DRG2: variants seen among roughly 807,000 people sequenced by gnomAD.
DRG2 encodes the protein developmentally-regulated GTP-binding protein 2.
Under a neutral mutation model 53.4 loss-of-function variants are expected in DRG2, and 36 were observed. That is an observed-to-expected ratio of 0.67 (90% CI 0.52 to 0.89). DRG2 has a LOEUF of 0.89. DRG2 is among the 40% of genes least tolerant of loss of function. The probability of loss-of-function intolerance (pLI) is 0.00; values close to 1 mark genes in which losing one functional copy is unlikely to be tolerated. For synonymous variants in DRG2, 167 were observed against 192.1 expected (o/e 0.87, Z 1.08); for missense variants, 342 against 481.2 (o/e 0.71, Z 2.71).
At position 18,100,688 on chromosome 17, in the gene DRG2, A is replaced by G. The variant is rs1041209676; in HGVS notation, c.631+29A>G. 10 of 1,597,646 alleles carry G rather than the reference A, an allele frequency of 6.3e-6. No homozygotes were observed. The highest frequency in any genetic ancestry group is 8.5e-6 in the Non-Finnish European group (10 of 1,171,750). On this transcript the variant is annotated intron_variant, in intron 7 of 12. Transcript: ENST00000225729. This position sits in a 1 kb window ranked among gnomAD's most constrained non-coding sequence, Gnocchi z 4.1. ...TCCTTCCCTGAAAGACACGTGAAGG[A>G]GGGCAGCCACCACCGTCAGCGCAGC... is the stretch of plus-strand genomic sequence containing the variant.
At chr17:18,105,291 G>C (rs975447943) in intron 11 of DRG2, among the ~76,000 whole-genome samples, 1 of 152,146 alleles carries the variant, frequency 6.6e-6, no homozygotes, top group African/African-American at 2.4e-5. Flanking sequence ...TCACATGGCC[G>C]TCCTCCTGGG....
In DRG2 at chr17:18,100,065, C is replaced by T. The variant is rs1468335563; in HGVS notation, c.468-298C>T. ...ATCCACATCCTGGCAGAGGGGTACA[C>T]CAGGCCTGCCTCCTCGGGACCAGAA... is the stretch of plus-strand genomic sequence containing the variant. On this transcript the variant is annotated intron_variant, in intron 5 of 12. Transcript: ENST00000225729. The surrounding 1 kb of genome is among the most constrained non-coding windows in gnomAD (Gnocchi z 4.1). 3 of 577,186 alleles carry T rather than the reference C, an allele frequency of 5.2e-6. No individual in the cohort carries two copies. The East Asian group carries it at 8.7e-5, about 17-fold the overall frequency. 35.8% of individuals were successfully genotyped at this position (577,186 alleles called of 1,614,324 possible). A position where few individuals can be genotyped will look rare whatever the true frequency, so the allele number is the denominator to read the frequency against.
chr17:18,094,914 C>CGGTGA (rs1211463006), intron 2 of DRG2, among the ~76,000 whole-genome samples: 13 of 113,278 alleles, frequency 1.1e-4, no homozygotes, highest in African/African-American at 4.5e-4. Context: ...GCAGAGGTTG[C>CGGTGA]GGTGAGCCGA....
chr17:18,093,915 A>G lies in DRG2; in HGVS notation c.167A>G (p.Asp56Gly). 6.2e-7 allele frequency: 1 copy of G among 1,614,198 alleles called. No homozygotes were observed. The highest frequency in any genetic ancestry group is 8.5e-7 in the Non-Finnish European group (1 of 1,180,048). Residue 56 changes from aspartate to glycine, a missense_variant, in exon 2 of 13, where the codon GAT (aspartate) becomes GGT (glycine). By Grantham distance (94) the Asp-to-Gly change is moderately conservative (BLOSUM62 -1). Transcript: ENST00000225729. ...GCCTCGTCCAAAGGAGAGGGCTTTG[A>G]TGTCATGAAGTCGGGTGATGCCCGT... ...KSASSKGEGFDVMKSGDARVA... is the reference protein window; with the variant it reads ...KSASSKGEGFGVMKSGDARVA...
chr17:18,099,871 C>T lies in DRG2; in HGVS notation c.467+148C>T. On this transcript the variant is annotated intron_variant, in intron 5 of 12. Coordinates refer to ENST00000225729, the MANE Select transcript of DRG2 (RefSeq NM_001388.5). The surrounding 1 kb of genome is among the most constrained non-coding windows in gnomAD (Gnocchi z 4.4). Reference sequence around the variant, plus strand: ...GTCACAGACTAAACCCAACACCACCCAGCCTATGGCGTCTTCTCCTCAAGG... The same window carrying T: ...GTCACAGACTAAACCCAACACCACCTAGCCTATGGCGTCTTCTCCTCAAGG... The T allele has an allele frequency of 1.3e-6, 1 of 752,998 alleles. No individual in the cohort carries two copies. Among genetic ancestry groups the T allele is most frequent in the Non-Finnish European group, 2.2e-6 (1 of 452,388 alleles). The allele number at this position is 752,998 out of a possible 1,614,324, so 46.6% of individuals were successfully genotyped here.
At chr17:18,106,364 G>A (rs1301060271) in intron 11 of DRG2, 69 bp from the exon 12 acceptor site, 2 of 1,573,434 alleles carry the variant, frequency 1.3e-6, no homozygotes, top group East Asian at 4.5e-5. Flanking sequence ...AGCTTTGGGT[G>A]TGCAGCCAAG....
chr17:18,102,569 C>T (rs933277035), intron 9 of DRG2, among the ~76,000 whole-genome samples: 5 of 146,228 alleles, frequency 3.4e-5, no homozygotes, highest in African/African-American at 1.0e-4. Flanking sequence ...TGCAGTGAGC[C>T]GAGATCATGC....
intron 1 of DRG2, among the ~76,000 whole-genome samples, chr17:18,093,354 T>C (rs532109252): frequency 1.3e-5 from 2 of 151,582 alleles, no homozygotes; most frequent in African/African-American, 4.8e-5. Context: ...AGTTTCACTG[T>C]TGTTGCCCAA....
chr17:18,102,106 C>A, intron 9 of DRG2, 109 bp downstream of exon 9: 2 of 1,158,038 alleles, frequency 1.7e-6, no homozygotes, highest in Non-Finnish European at 2.5e-6. Context: ...CCAGCACAGC[C>A]TCCAGCAGCA....
In DRG2 at chr17:18,103,791, C is replaced by G. The variant is rs763174235; in HGVS notation, c.807-10C>G. 2 of 1,613,976 alleles carry G rather than the reference C, an allele frequency of 1.2e-6. No homozygotes were observed. Among genetic ancestry groups the G allele is most frequent in the Non-Finnish European group, 1.7e-6 (2 of 1,180,012 alleles). ...GGCCCCTGCCTGACTGGCCGCCTCCCTCTTTGCAGCTGCGGCATGAAGCTG... is the reference window on the plus strand; with the variant it reads ...GGCCCCTGCCTGACTGGCCGCCTCCGTCTTTGCAGCTGCGGCATGAAGCTG... On this transcript the variant is annotated splice_polypyrimidine_tract_variant and intron_variant, in intron 9 of 12. Transcript: ENST00000225729. The surrounding 1 kb of genome is among the most constrained non-coding windows in gnomAD (Gnocchi z 4.4).
chr17:18,098,365 T>C lies in DRG2; in HGVS notation c.315+6T>C. The stretch of plus-strand genomic sequence containing the variant: ...GTATTCCTGGGGTCATTGAAGTAAG[T>C]GGGTGTGCTGGGCCCAGAAGGAGAA... On this transcript the variant is annotated splice_donor_region_variant and intron_variant, in intron 3 of 12. Transcript: ENST00000225729. The surrounding 1 kb of genome is among the most constrained non-coding windows in gnomAD (Gnocchi z 4.1). The C allele has an allele frequency of 5.0e-6, 8 of 1,613,258 alleles. 1 individual carries two copies. The South Asian group carries it at 8.8e-5, about 18-fold the overall frequency.
chr17:18,088,148 TGGG>T (rs1475881126), intron 1 of DRG2, 61 bp downstream of exon 1: 4 of 1,510,952 alleles, frequency 2.6e-6, no homozygotes, highest in Non-Finnish European at 3.6e-6. Context: ...GTCTGTAAAA[TGGG>T]GGAACAACTC....
At position 18,099,419 on chromosome 17, in the gene DRG2, A is replaced by G. The variant is rs2142195335; in HGVS notation, c.377-214A>G. 1 of 639,404 alleles carries G rather than the reference A, an allele frequency of 1.6e-6. No homozygotes were observed. Among genetic ancestry groups the G allele is most frequent in the East Asian group, 2.7e-5 (1 of 36,656 alleles). The allele number at this position is 639,404 out of a possible 1,614,324, so 39.6% of individuals were successfully genotyped here. ...GGGTGGGCGTAGGACAGCCGTTATT[A>G]TCCTGTTACTCCTTTTATGATGGTG... On this transcript the variant is annotated intron_variant, in intron 4 of 12. Coordinates refer to ENST00000225729, the MANE Select transcript of DRG2 (RefSeq NM_001388.5). The surrounding 1 kb of genome is among the most constrained non-coding windows in gnomAD (Gnocchi z 4.4).
rs1160675566 is a variant in DRG2, at chr17:18,103,144, C to A, written c.807-657C>A. On this transcript the variant is annotated intron_variant, in intron 9 of 12. Coordinates refer to ENST00000225729, the MANE Select transcript of DRG2 (RefSeq NM_001388.5). This position sits in a 1 kb window ranked among gnomAD's most constrained non-coding sequence, Gnocchi z 4.4. ...TGCTGTGTCCCAGGCCTTTGAGGGG[C>A]TGCCATCCTCAGGGCGTGAGAGCTT... Among the ~76,000 whole-genome samples the A allele has an allele frequency of 2.0e-5, 3 of 152,158 alleles. No homozygotes were observed. Among genetic ancestry groups the A allele is most frequent in the Non-Finnish European group, 4.4e-5 (3 of 68,018 alleles).
Position 18,099,587 on chromosome 17 carries a change from G to A in DRG2, c.377-46G>A. On this transcript the variant is annotated intron_variant, in intron 4 of 12. Transcript: ENST00000225729. This position sits in a 1 kb window ranked among gnomAD's most constrained non-coding sequence, Gnocchi z 4.4. ...CCAGGGCGCCGTGGGCTGGGTAGCAGTCACATGGGTCCACATATGTAACTG... is the reference window on the plus strand; with the variant it reads ...CCAGGGCGCCGTGGGCTGGGTAGCAATCACATGGGTCCACATATGTAACTG... 1.3e-6 allele frequency: 2 copies of A among 1,563,980 alleles called. No individual in the cohort carries two copies. Among genetic ancestry groups the A allele is most frequent in the Non-Finnish European group, 1.7e-6 (2 of 1,153,742 alleles).
At position 18,107,351 on chromosome 17, in the gene DRG2, G is replaced by C. The variant is rs2045661576; in HGVS notation, c.*111G>C. ...ATACAAATACACGTACCCCAGGAAG[G>C]GGTCCCTCAAGTCTCTGCTATTTAC... On this transcript the variant is annotated 3_prime_UTR_variant, in exon 13 of 13. Transcript: ENST00000225729. 43 of 1,095,624 alleles carry C rather than the reference G, an allele frequency of 3.9e-5. No homozygotes were observed. In the South Asian group the frequency reaches 5.8e-4, roughly 15 times the overall value. 67.9% of individuals were successfully genotyped at this position (1,095,624 alleles called of 1,614,324 possible). A position where few individuals can be genotyped will look rare whatever the true frequency, so the allele number is the denominator to read the frequency against.
At position 18,100,121 on chromosome 17, in the gene DRG2, G is replaced by A; in HGVS notation, c.468-242G>A. On this transcript the variant is annotated intron_variant, in intron 5 of 12. Transcript: ENST00000225729. This position sits in a 1 kb window ranked among gnomAD's most constrained non-coding sequence, Gnocchi z 4.1. ...ACCCTCATGTGGTCACCTCGCGGGG[G>A]CTCCACCACTTGCCTGTGCATGCCG... is the stretch of plus-strand genomic sequence containing the variant. 1 of 594,242 alleles carries A rather than the reference G, an allele frequency of 1.7e-6. No homozygotes were observed. Among genetic ancestry groups the A allele is most frequent in the Non-Finnish European group, 3.0e-6 (1 of 334,050 alleles). 36.8% of individuals were successfully genotyped at this position (594,242 alleles called of 1,614,324 possible). A position where few individuals can be genotyped will look rare whatever the true frequency, so the allele number is the denominator to read the frequency against.
rs759602465 is a variant in DRG2 at position 18,103,920 on chromosome 17, G to A, written c.895+31G>A. 1 of 1,607,756 alleles carries A rather than the reference G, an allele frequency of 6.2e-7. No homozygotes were observed. Among genetic ancestry groups the A allele is most frequent in the Admixed American group, 1.7e-5 (1 of 60,014 alleles). ...TTGCACTGCGCGTAGCTGAAAAACA[G>A]GCTGAGCTTCATCCCTAGAAGGCTG... On this transcript the variant is annotated intron_variant, in intron 10 of 12. Transcript: ENST00000225729. The surrounding 1 kb of genome is among the most constrained non-coding windows in gnomAD (Gnocchi z 4.4).
rs1382174544 is a variant in DRG2 at position 18,106,585 on chromosome 17, G to A, written c.1008+99G>A. 4 of 1,363,922 alleles carry A rather than the reference G, an allele frequency of 2.9e-6. No homozygotes were observed. The African/African-American group carries it at 4.3e-5, about 15-fold the overall frequency. The allele number at this position is 1,363,922 out of a possible 1,614,324, so 84.5% of individuals were successfully genotyped here. A position where few individuals can be genotyped will look rare whatever the true frequency, so the allele number is the denominator to read the frequency against. ...TTCACACTCTCTGCGTGGTGTTCCT[G>A]TCCTTCCTGTGGGGATTGGCATGTC... On this transcript the variant is annotated intron_variant, in intron 12 of 12. Coordinates refer to ENST00000225729, the MANE Select transcript of DRG2 (RefSeq NM_001388.5).
Sources: allele counts gnomAD v4.1 joint callset (sites outside exome capture counted in the v4.1 genomes callset), GRCh38; gene constraint gnomAD v4.1.1; non-coding constraint Gnocchi (gnomAD v3.1); transcripts MANE v1.5; gene names NCBI Gene and HGNC (gene_info 2026-07-23, HGNC 2026-07-21).